The following FOXP1 variants were observed in gnomAD, a reference collection of about 807,000 sequenced individuals.
FOXP1 encodes the protein forkhead box protein P1.
FOXP1 carries 15 observed loss-of-function variants against 98.2 expected under a neutral mutation model. The ratio of observed to expected loss-of-function variants is 0.15; its 90% CI spans 0.10 to 0.24. FOXP1 has a LOEUF of 0.24. Among genes scored for constraint, FOXP1 ranks in the 10% least tolerant of loss-of-function variants. FOXP1 has a pLI of 1.00. For synonymous variants in FOXP1, 371 were observed against 314.5 expected (o/e 1.18, Z -1.90); for missense variants, 633 against 848.5 (o/e 0.75, Z 3.15).
At chr3:71,561,473 G>A (rs1035879158) in intron 2 of FOXP1, among the ~76,000 whole-genome samples, 38 of 149,982 alleles carry the variant, frequency 2.5e-4, no homozygotes, top group African/African-American at 4.9e-4. Flanking sequence ...ACCACGACCC[G>A]TTGTGATTAC....
At position 70,978,018 on chromosome 3, in the gene FOXP1, T is replaced by C. The variant is rs776273472; in HGVS notation, c.1158A>G (p.Val386=). 1.3e-5 allele frequency: 21 copies of C among 1,613,858 alleles called. No individual in the cohort carries two copies. The highest frequency in any genetic ancestry group is 1.4e-5 in the Non-Finnish European group (16 of 1,179,904). Residue 386 remains valine, a synonymous_variant, in exon 15 of 21, where the codon GTA becomes GTG. Coordinates refer to ENST00000649528, the MANE Select transcript of FOXP1 (RefSeq NM_001349338.3). ...PKAAPQPLNL[V]SSVTLSKSAS... ...CGGACTTGGAGAGAGTGACACTTGA[T>C]ACCAGATTCAACTGCAAGGAAAAAA...
At chr3:71,124,667 A>G (rs2059031713) in intron 6 of FOXP1, among the ~76,000 whole-genome samples, 1 of 150,690 alleles carries the variant, frequency 6.6e-6, no homozygotes, top group Non-Finnish European at 1.5e-5. Context: ...AAAAAAAAAG[A>G]GAAACATAAG....
intron 3 of FOXP1, among the ~76,000 whole-genome samples, chr3:71,439,813 G>A (rs2085735858): frequency 6.6e-6 from 1 of 152,020 alleles, no homozygotes; most frequent in South Asian, 2.1e-4. Flanking sequence ...GAGTGTGGTG[G>A]TGCACGCCTG....
At chr3:71,025,081 T>C (rs2045935722) in intron 11 of FOXP1, among the ~76,000 whole-genome samples, 1 of 152,178 alleles carries the variant, frequency 6.6e-6, no homozygotes, top group Non-Finnish European at 1.5e-5. Context: ...TAGTTACTTT[T>C]TATACAACCT....
At chr3:71,582,490 C>A (rs918879232) in intron 1 of FOXP1, 29 of 985,304 alleles carry the variant, frequency 2.9e-5, no homozygotes, top group Non-Finnish European at 3.0e-5. Context: ...AGGAAGGCTG[C>A]GCGCAAGCGA....
intron 6 of FOXP1, among the ~76,000 whole-genome samples, chr3:71,112,846 C>T (rs943574283): frequency 6.6e-5 from 10 of 152,164 alleles, no homozygotes; most frequent in African/African-American, 2.2e-4. Context: ...CCAGTTTCAT[C>T]CACGGTTCCA....
intron 3 of FOXP1, among the ~76,000 whole-genome samples, chr3:71,467,159 GTATA>G (rs2088849994): frequency 1.3e-5 from 2 of 152,210 alleles, no homozygotes; most frequent in South Asian, 4.1e-4. Flanking sequence ...AAACATACAC[GTATA>G]TATACATACA....
chr3:71,035,093 G>C (rs1026355482), intron 11 of FOXP1, among the ~76,000 whole-genome samples: 2 of 152,140 alleles, frequency 1.3e-5, no homozygotes, highest in African/African-American at 4.8e-5. Flanking sequence ...TGAGGCTCTT[G>C]TTACAATGCA....
intron 4 of FOXP1, among the ~76,000 whole-genome samples, chr3:71,354,419 C>T (rs2078021401): frequency 6.6e-6 from 1 of 152,126 alleles, no homozygotes; most frequent in South Asian, 2.1e-4. Flanking sequence ...ACTGCAGCAC[C>T]CCAAACTCTC....
At chr3:71,393,417 A>C (rs895206970) in intron 3 of FOXP1, among the ~76,000 whole-genome samples, 2 of 152,200 alleles carry the variant, frequency 1.3e-5, no homozygotes, top group Non-Finnish European at 1.5e-5. Flanking sequence ...TAAAAAAAAA[A>C]CTCATAAAAT....
chr3:71,286,463 CTT>C (rs1237754232), intron 5 of FOXP1, among the ~76,000 whole-genome samples: 2 of 152,068 alleles, frequency 1.3e-5, no homozygotes, highest in African/African-American at 4.8e-5. Context: ...AAAGCTGTAA[CTT>C]TTTTAATTTT....
chr3:71,138,078 C>T (rs879563863), intron 6 of FOXP1, among the ~76,000 whole-genome samples: 1 of 152,124 alleles, frequency 6.6e-6, no homozygotes, highest in Non-Finnish European at 1.5e-5. Context: ...GTATTATTGC[C>T]TGAGTGTTTG....
chr3:71,583,361 G>A (rs544588869), intron 1 of FOXP1: 2 of 773,996 alleles, frequency 2.6e-6, no homozygotes, highest in South Asian at 5.8e-5. Context: ...CTCGACCCGG[G>A]GGGGAGAGGA....
At chr3:71,530,102 T>C (rs1463221252) in intron 2 of FOXP1, among the ~76,000 whole-genome samples, 3 of 152,146 alleles carry the variant, frequency 2.0e-5, no homozygotes, top group African/African-American at 7.2e-5. Context: ...ACCCAGCTGG[T>C]GTTGGAGAAC....
chr3:71,296,730 C>T (rs77965928), intron 5 of FOXP1, among the ~76,000 whole-genome samples: 8,111 of 152,254 alleles, frequency 0.053, 240 homozygotes, highest in East Asian at 0.068. Flanking sequence ...TCCCCAATGT[C>T]AGAGGAGGGG....
chr3:70,987,850 G>T (rs531157727), intron 14 of FOXP1, 144 bp downstream of exon 14: 7 of 729,700 alleles, frequency 9.6e-6, no homozygotes, highest in Non-Finnish European at 1.5e-5. Context: ...AGGATAACCA[G>T]AAACAGTCGC....
intron 5 of FOXP1, among the ~76,000 whole-genome samples, chr3:71,292,268 G>A (rs2072833795): frequency 1.3e-5 from 2 of 152,264 alleles, no homozygotes; most frequent in South Asian, 4.1e-4. Context: ...GCCATAGACT[G>A]CAATAATCAC....
chr3:70,978,810 G>A lies in FOXP1; in HGVS notation c.1147-781C>T, dbSNP rs539499727. ...CCTTTATTAAATCTATCAAATACAG[G>A]CTTGGGATCTGTTAATTTTTTTTAT... On this transcript the variant is annotated intron_variant, in intron 14 of 20. Coordinates refer to ENST00000649528, the MANE Select transcript of FOXP1 (RefSeq NM_001349338.3). Among the ~76,000 whole-genome samples, 13 of 152,168 alleles carry A rather than the reference G, an allele frequency of 8.5e-5. No homozygotes were observed. In the South Asian group the frequency reaches 2.5e-3, roughly 29 times the overall value.
intron 5 of FOXP1, among the ~76,000 whole-genome samples, chr3:71,274,772 T>C (rs1560222933): frequency 6.6e-6 from 1 of 151,554 alleles, no homozygotes; most frequent in African/African-American, 2.4e-5. Flanking sequence ...CAGTTTCTTA[T>C]CACTGGGTTT....
Sources: allele counts gnomAD v4.1 joint callset (sites outside exome capture counted in the v4.1 genomes callset), GRCh38; gene constraint gnomAD v4.1.1; transcripts MANE v1.5; gene names NCBI Gene and HGNC (gene_info 2026-07-23, HGNC 2026-07-21).